Variants in DBT observed in about 807,000 individuals in gnomAD.
DBT encodes the protein dihydrolipoamide branched chain transacylase E2, also known as lipoamide acyltransferase component of branched-chain alpha-keto acid dehydrogenase complex, mitochondrial.
A neutral mutation model predicts 51.3 loss-of-function variants in DBT; 40 were observed. The observed-to-expected ratio is 0.78, with a 90% confidence interval of 0.61 to 1.02. The LOEUF (loss-of-function observed/expected upper bound fraction) is 1.02. Among genes scored for constraint, DBT ranks in the 50% least tolerant of loss-of-function variants. The pLI is 0.00. For synonymous variants in DBT, 181 were observed against 190.4 expected (o/e 0.95, Z 0.41); for missense variants, 510 against 580.2 (o/e 0.88, Z 1.24).
In DBT at chr1:100,189,864, G is replaced by A. The variant is rs1660735032; in HGVS notation, c.*6391C>T. The stretch of plus-strand genomic sequence containing the variant: ...TTAGTTAAGGCAGCACTATCCAATA[G>A]AATTTTCTGTGATGATGGAAACAGT... On this transcript the variant is annotated 3_prime_UTR_variant, in exon 11 of 11. Coordinates refer to ENST00000370132, the MANE Select transcript of DBT (RefSeq NM_001918.5). 1 of 152,096 alleles carries A rather than the reference G, an allele frequency of 6.6e-6. No homozygotes were observed. Among genetic ancestry groups the A allele is most frequent in the African/African-American group, 2.4e-5 (1 of 41,408 alleles). 9.4% of individuals were successfully genotyped at this position (152,096 alleles called of 1,614,324 possible). A position where few individuals can be genotyped will look rare whatever the true frequency, so the allele number is the denominator to read the frequency against.
At chr1:100,239,097 T>C (rs185610225) in intron 2 of DBT, among the ~76,000 whole-genome samples, 5 of 152,360 alleles carry the variant, frequency 3.3e-5, no homozygotes, top group Admixed American at 3.3e-4. Flanking sequence ...TTTTGTGTAC[T>C]GATATATCCC....
At chr1:100,206,871 G>C (rs540868801) in intron 8 of DBT, among the ~76,000 whole-genome samples, 7 of 152,270 alleles carry the variant, frequency 4.6e-5, no homozygotes, top group African/African-American at 1.7e-4. Context: ...ATTACCTGAG[G>C]TCATGAGTTC....
chr1:100,229,532 A>G (rs1450965602), intron 4 of DBT, among the ~76,000 whole-genome samples: 1 of 152,220 alleles, frequency 6.6e-6, no homozygotes, highest in Non-Finnish European at 1.5e-5. Context: ...CAGAATAATA[A>G]GTGTAAAAAG....
chr1:100,239,811 T>C (rs943947455), intron 2 of DBT, among the ~76,000 whole-genome samples: 3 of 144,972 alleles, frequency 2.1e-5, no homozygotes, highest in Admixed American at 7.0e-5. Context: ...TACAGTGAGC[T>C]ATGATTGTGC....
chr1:100,243,483 C>CT (rs1320954065), intron 1 of DBT, among the ~76,000 whole-genome samples: 3 of 151,662 alleles, frequency 2.0e-5, no homozygotes, highest in African/African-American at 7.3e-5. Context: ...TCCAGCTAAA[C>CT]TTTTTTTGTG....
intron 2 of DBT, 98 bp downstream of exon 2, chr1:100,240,663 T>A (rs1664161364): frequency 7.0e-6 from 7 of 1,002,072 alleles, no homozygotes; most frequent in Admixed American, 1.9e-5. Flanking sequence ...CAGAGTCAAC[T>A]TTTTTTTGTT....
intron 3 of DBT, among the ~76,000 whole-genome samples, chr1:100,231,255 T>C (rs150192650): frequency 0.011 from 1,710 of 152,300 alleles, 13 homozygotes; most frequent in South Asian, 0.036. Flanking sequence ...ATATTACCCT[T>C]TTCCAAACTT....
At chr1:100,206,994 G>A (rs1661828543) in intron 8 of DBT, among the ~76,000 whole-genome samples, 1 of 152,100 alleles carries the variant, frequency 6.6e-6, no homozygotes, top group African/African-American at 2.4e-5. Context: ...CACGAGAATC[G>A]CTTGAACCTG....
rs541279304 is a variant in DBT at position 100,192,669 on chromosome 1, T to C, written c.*3586A>G. 3.3e-5 allele frequency: 5 copies of C among 152,306 alleles called. No individual in the cohort carries two copies. In the East Asian group the frequency reaches 5.8e-4, roughly 18 times the overall value. 9.4% of individuals were successfully genotyped at this position (152,306 alleles called of 1,614,324 possible). A position where few individuals can be genotyped will look rare whatever the true frequency, so the allele number is the denominator to read the frequency against. Reference sequence around the variant, plus strand: ...TCTTTCTACATAATCACTTCTTACATAGGTTTCAACATAAGGTACATTTTG... The same window carrying C: ...TCTTTCTACATAATCACTTCTTACACAGGTTTCAACATAAGGTACATTTTG... On this transcript the variant is annotated 3_prime_UTR_variant, in exon 11 of 11. Coordinates refer to ENST00000370132, the MANE Select transcript of DBT (RefSeq NM_001918.5).
At chr1:100,248,255 C>T (rs528897833) in intron 1 of DBT, among the ~76,000 whole-genome samples, 2 of 152,296 alleles carry the variant, frequency 1.3e-5, no homozygotes, top group South Asian at 4.1e-4. Context: ...CTCTTGTATA[C>T]AGTAGGAAAA....
rs1450707467 is a variant in DBT at position 100,214,807 on chromosome 1, T to C, written c.939+10A>G. 1 of 1,613,528 alleles carries C rather than the reference T, an allele frequency of 6.2e-7. No homozygotes were observed. Among genetic ancestry groups the C allele is most frequent in the South Asian group, 1.1e-5 (1 of 91,064 alleles). ...CTACTCAAGCCTTGTTTGAAATGAA[T>C]GAATCTCACCTTTAAGAAGAAAGGC... On this transcript the variant is annotated intron_variant, in intron 7 of 10. Coordinates refer to ENST00000370132, the MANE Select transcript of DBT (RefSeq NM_001918.5).
At position 100,188,284 on chromosome 1, in the gene DBT, C is replaced by G. The variant is rs1660663046; in HGVS notation, c.*7971G>C. The G allele has an allele frequency of 6.6e-6, 1 of 152,202 alleles. No individual in the cohort carries two copies. The allele number at this position is 152,202 out of a possible 1,614,324, so 9.4% of individuals were successfully genotyped here. On this transcript the variant is annotated 3_prime_UTR_variant, in exon 11 of 11. Coordinates refer to ENST00000370132, the MANE Select transcript of DBT (RefSeq NM_001918.5). ...ATTCCTATTAACTTAATTACACCTG[C>G]CCACAACTTAATTTACTTGCCTTTG...
At position 100,192,110 on chromosome 1, in the gene DBT, T is replaced by C. The variant is rs1285687002; in HGVS notation, c.*4145A>G. ...CACTGTGTCCGGCCTCTCTTGGTGA[T>C]TTTGACTGGAAATGATGTGGGTTCA... is the stretch of plus-strand genomic sequence containing the variant. On this transcript the variant is annotated 3_prime_UTR_variant, in exon 11 of 11. Coordinates refer to ENST00000370132, the MANE Select transcript of DBT (RefSeq NM_001918.5). 5 of 152,244 alleles carry C rather than the reference T, an allele frequency of 3.3e-5. No homozygotes were observed. Among genetic ancestry groups the C allele is most frequent in the African/African-American group, 1.2e-4 (5 of 41,438 alleles). The allele number at this position is 152,244 out of a possible 1,614,324, so 9.4% of individuals were successfully genotyped here.
intron 1 of DBT, among the ~76,000 whole-genome samples, chr1:100,247,947 C>G (rs1249907959): frequency 6.6e-6 from 1 of 151,502 alleles, no homozygotes. Context: ...ACTAAAAATA[C>G]AAAAATTAGC....
chr1:100,206,194 C>T (rs1371572902), intron 10 of DBT, 36 bp downstream of exon 10: 1 of 1,474,150 alleles, frequency 6.8e-7, no homozygotes, highest in South Asian at 1.1e-5. Context: ...CCTGAATTTG[C>T]TTAAACTCCA....
Position 100,218,762 on chromosome 1 carries a change from A to T in DBT, c.434-15T>A. On this transcript the variant is annotated splice_polypyrimidine_tract_variant and intron_variant, in intron 4 of 10. Coordinates refer to ENST00000370132, the MANE Select transcript of DBT (RefSeq NM_001918.5). ...TTCTTCTGAATCTGGTAACAAGGTAAAACTTAACTTCAGTTGAAAAAAAAT... is the reference window on the plus strand; with the variant it reads ...TTCTTCTGAATCTGGTAACAAGGTATAACTTAACTTCAGTTGAAAAAAAAT... 1 of 1,613,196 alleles carries T rather than the reference A, an allele frequency of 6.2e-7. No individual in the cohort carries two copies. The highest frequency in any genetic ancestry group is 8.5e-7 in the Non-Finnish European group (1 of 1,179,478).
chr1:100,196,430 T>TGA lies in DBT; in HGVS notation c.1282-10_1282-9dup, dbSNP rs375086643. The TGA allele has an allele frequency of 6.1e-6, 3 of 493,372 alleles. No individual in the cohort carries two copies. The African/African-American group carries it at 3.3e-4, about 55-fold the overall frequency. 30.6% of individuals were successfully genotyped at this position (493,372 alleles called of 1,614,324 possible). A position where few individuals can be genotyped will look rare whatever the true frequency, so the allele number is the denominator to read the frequency against. On this transcript the variant is annotated splice_polypyrimidine_tract_variant and intron_variant, in intron 10 of 10. Coordinates refer to ENST00000370132, the MANE Select transcript of DBT (RefSeq NM_001918.5). ...GTTAAATCGGGGAATGGCCTAGAAA[T>TGA]GAAAAAAAAAAAAAAAAAAAAAAAA... is the stretch of plus-strand genomic sequence containing the variant.
chr1:100,207,843 A>C (rs1260294112), intron 8 of DBT, among the ~76,000 whole-genome samples: 1 of 152,128 alleles, frequency 6.6e-6, no homozygotes, highest in Non-Finnish European at 1.5e-5. Flanking sequence ...AAAAAAAAAA[A>C]ACTTTGTGGC....
chr1:100,187,929 C>T lies in DBT; in HGVS notation c.*8326G>A, dbSNP rs184836216. ...CAGAAGTGACACCATTCTGTTGAAACTGGAGTATACTGCACTTATATATCA... is the reference window on the plus strand; with the variant it reads ...CAGAAGTGACACCATTCTGTTGAAATTGGAGTATACTGCACTTATATATCA... On this transcript the variant is annotated 3_prime_UTR_variant, in exon 11 of 11. Transcript: ENST00000370132. The T allele has an allele frequency of 6.6e-6, 1 of 152,242 alleles. No individual in the cohort carries two copies. Among genetic ancestry groups the T allele is most frequent in the East Asian group, 1.9e-4 (1 of 5,186 alleles). 9.4% of individuals were successfully genotyped at this position (152,242 alleles called of 1,614,324 possible).
Sources: gnomAD v4.1 joint callset for allele counts (sites outside exome capture counted in the v4.1 genomes callset) on GRCh38, gnomAD v4.1.1 for gene constraint, MANE v1.5 for transcripts, NCBI Gene and HGNC (gene_info 2026-07-23, HGNC 2026-07-21) for gene names.